The following SHISA9 variants were observed in gnomAD, a reference collection of about 807,000 sequenced individuals.
The protein encoded by SHISA9 is protein shisa-9.
A neutral mutation model predicts 38.0 loss-of-function variants in SHISA9; 13 were observed. The observed-to-expected ratio is 0.34, with a 90% CI of 0.22 to 0.54. The LOEUF is 0.54. SHISA9 is among the 20% of genes least tolerant of loss of function. The pLI is 0.91. For synonymous variants in SHISA9, 275 were observed against 242.0 expected, an observed-to-expected ratio of 1.14 and a Z score of -1.27; for missense variants, 538 against 575.8, an observed-to-expected ratio of 0.93 and a Z score of 0.67.
chr16:13,197,149 A>C (rs1255800447), intron 2 of SHISA9, among the ~76,000 whole-genome samples: 1 of 149,892 alleles, frequency 6.7e-6, no homozygotes, highest in Non-Finnish European at 1.5e-5. Context: ...ATATGTGTAT[A>C]TATATATAGA....
the SHISA9 span, among the ~76,000 whole-genome samples, chr16:13,494,274 A>G: frequency 6.6e-6 from 1 of 152,204 alleles, no homozygotes; most frequent in Admixed American, 6.5e-5. Context: ...AAGTCTGTCC[A>G]ACAGCAGAAT....
At chr16:13,077,243 CTT>C (rs11320901) in intron 2 of SHISA9, among the ~76,000 whole-genome samples, 7 of 145,104 alleles carry the variant, frequency 4.8e-5, no homozygotes, top group African/African-American at 1.3e-4. Flanking sequence ...TCTTCTTCTT[CTT>C]TTTTTTTTTT....
At chr16:12,935,684 C>T (rs1356208375) in intron 2 of SHISA9, among the ~76,000 whole-genome samples, 1 of 151,648 alleles carries the variant, frequency 6.6e-6, no homozygotes, top group Non-Finnish European at 1.5e-5. Flanking sequence ...CCCATCTGTA[C>T]AAAAAATACA....
intron 3 of SHISA9, among the ~76,000 whole-genome samples, chr16:13,205,395 C>T (rs2051054472): frequency 6.6e-6 from 1 of 152,186 alleles, no homozygotes; most frequent in Non-Finnish European, 1.5e-5. Context: ...AAGTTTTTCT[C>T]CCTGTCTCAG....
At chr16:13,470,342 G>A in the SHISA9 span, among the ~76,000 whole-genome samples, 1 of 152,166 alleles carries the variant, frequency 6.6e-6, no homozygotes, top group African/African-American at 2.4e-5. Context: ...TTTAATGTAT[G>A]AGGAGTGTAT....
At chr16:13,538,284 G>A in the SHISA9 span, among the ~76,000 whole-genome samples, 11 of 152,248 alleles carry the variant, frequency 7.2e-5, no homozygotes, top group Admixed American at 3.9e-4. Flanking sequence ...CTGTAATTGC[G>A]TGTCCTCTGC....
chr16:13,355,323 G>A, the SHISA9 span, among the ~76,000 whole-genome samples: 8 of 151,786 alleles, frequency 5.3e-5, no homozygotes, highest in African/African-American at 1.9e-4. Flanking sequence ...GGCGTTGAGT[G>A]GGGTAAGGGT....
chr16:13,502,930 A>G, the SHISA9 span, among the ~76,000 whole-genome samples: 1 of 152,208 alleles, frequency 6.6e-6, no homozygotes, highest in Admixed American at 6.6e-5. Context: ...GGAAAGACAG[A>G]TAATGAGTCA....
chr16:12,908,996 A>C, intron 1 of SHISA9: 1 of 1,001,468 alleles, frequency 1.0e-6, no homozygotes. Context: ...ATAATGATAA[A>C]TGCACCTCCT....
chr16:13,352,310 GTTTA>G, the SHISA9 span, among the ~76,000 whole-genome samples: 1 of 152,136 alleles, frequency 6.6e-6, no homozygotes, highest in Non-Finnish European at 1.5e-5. Flanking sequence ...TGATATGAGA[GTTTA>G]TTTGATGCTT....
At chr16:13,499,245 C>T in the SHISA9 span, among the ~76,000 whole-genome samples, 1 of 152,130 alleles carries the variant, frequency 6.6e-6, no homozygotes, top group Admixed American at 6.5e-5. Context: ...TGGGCAGGAA[C>T]AAGAAAAGTG....
the SHISA9 span, among the ~76,000 whole-genome samples, chr16:13,514,634 C>T: frequency 6.6e-6 from 1 of 152,134 alleles, no homozygotes; most frequent in East Asian, 1.9e-4. Context: ...GCAATAGAAA[C>T]CTTCCACAGA....
At chr16:13,226,866 A>T (rs1318548074) in intron 4 of SHISA9, among the ~76,000 whole-genome samples, 3 of 152,212 alleles carry the variant, frequency 2.0e-5, no homozygotes, top group Non-Finnish European at 2.9e-5. Flanking sequence ...GGCAGATTTC[A>T]AGAGCCTTAG....
chr16:13,546,822 A>C, the SHISA9 span, among the ~76,000 whole-genome samples: 6 of 152,286 alleles, frequency 3.9e-5, no homozygotes, highest in South Asian at 1.2e-3. Flanking sequence ...AAAAGAAACC[A>C]TACGGTCTGT....
intron 2 of SHISA9, among the ~76,000 whole-genome samples, chr16:13,190,627 A>C (rs2142040705): frequency 6.6e-6 from 1 of 152,264 alleles, no homozygotes; most frequent in Middle Eastern, 3.4e-3. Context: ...TGCTGGTTGC[A>C]ACTAGTTCTT....
chr16:13,317,244 A>G, the SHISA9 span, among the ~76,000 whole-genome samples: 2 of 152,230 alleles, frequency 1.3e-5, no homozygotes, highest in East Asian at 1.9e-4. Flanking sequence ...GATGCCAAGA[A>G]GTCTTCAAAC....
chr16:13,517,326 T>C, the SHISA9 span, among the ~76,000 whole-genome samples: 1 of 152,180 alleles, frequency 6.6e-6, no homozygotes, highest in Non-Finnish European at 1.5e-5. Flanking sequence ...TCTGGTCTCC[T>C]AAACCATGAG....
intron 3 of SHISA9, among the ~76,000 whole-genome samples, chr16:13,211,796 A>G (rs145551833): frequency 1.8e-4 from 27 of 152,328 alleles, no homozygotes; most frequent in African/African-American, 5.8e-4. Flanking sequence ...GCAAACAGCA[A>G]TGGATTTAAT....
chr16:13,008,384 C>T (rs2072624377), intron 2 of SHISA9, among the ~76,000 whole-genome samples: 1 of 152,194 alleles, frequency 6.6e-6, no homozygotes, highest in Admixed American at 6.5e-5. Flanking sequence ...GTCTCAAAGT[C>T]TGCTTCTGTG....
Sources: allele counts gnomAD v4.1 joint callset (sites outside exome capture counted in the v4.1 genomes callset), GRCh38; gene constraint gnomAD v4.1.1; transcripts MANE v1.5; gene names NCBI Gene and HGNC (gene_info 2026-07-23, HGNC 2026-07-21).